The following AUTS2 variants were observed in gnomAD, a reference collection of about 807,000 sequenced individuals.
AUTS2 encodes activator of transcription and developmental regulator AUTS2.
A neutral mutation model predicts 112.4 loss-of-function variants in AUTS2; 17 were observed. That is an observed-to-expected ratio of 0.15 (90% CI 0.10 to 0.23). The LOEUF is 0.23. AUTS2 is among the 10% of genes least tolerant of loss of function. The probability of loss-of-function intolerance (pLI) is 1.00; values close to 1 mark genes in which losing one functional copy is unlikely to be tolerated. For missense variants in AUTS2, 1,510 were observed against 1,701.6 expected (o/e 0.89, Z 1.98); for synonymous variants, 751 against 702.7 (o/e 1.07, Z -1.09).
intron 1 of AUTS2, among the ~76,000 whole-genome samples, chr7:69,892,794 G>A (rs1794583984): frequency 6.6e-6 from 1 of 152,202 alleles, no homozygotes; most frequent in South Asian, 2.1e-4. Flanking sequence ...AGATTGAAGT[G>A]TGGATTAAAA....
intron 5 of AUTS2, among the ~76,000 whole-genome samples, chr7:70,513,015 C>CCTA (rs1037763576): frequency 6.6e-6 from 1 of 152,110 alleles, no homozygotes; most frequent in African/African-American, 2.4e-5. Context: ...ATAAAAGGGG[C>CCTA]CTACTCAGCT....
rs761485978 is a variant in AUTS2, at chr7:69,600,008, C to T, written c.309+46C>T. On this transcript the variant is annotated intron_variant, in intron 1 of 18. Transcript: ENST00000342771. ...CCCGGGTTCCCTTTATGCACGACCCCACTCGGCTGCGCCCGGCTCTCCTGC... is the reference window on the plus strand; with the variant it reads ...CCCGGGTTCCCTTTATGCACGACCCTACTCGGCTGCGCCCGGCTCTCCTGC... The T allele has an allele frequency of 1.9e-6, 3 of 1,597,570 alleles. No homozygotes were observed. In the Admixed American group the frequency reaches 5.1e-5, roughly 27 times the overall value.
chr7:69,876,352 ATATATAT>A (rs1793766241), intron 1 of AUTS2, among the ~76,000 whole-genome samples: 36 of 53,980 alleles, frequency 6.7e-4, no homozygotes, highest in African/African-American at 1.7e-3. Flanking sequence ...AAAAAAAAAT[ATATATAT>A]ATATATATAT....
At chr7:70,245,133 A>AGTGT (rs869059239) in intron 4 of AUTS2, among the ~76,000 whole-genome samples, 1 of 58,760 alleles carries the variant, frequency 1.7e-5, no homozygotes, top group African/African-American at 6.0e-5. Flanking sequence ...AAAAAAAAAA[A>AGTGT]GTGTGTGTGT....
intron 4 of AUTS2, among the ~76,000 whole-genome samples, chr7:70,398,414 C>T (rs918169579): frequency 2.0e-5 from 3 of 152,052 alleles, no homozygotes; most frequent in African/African-American, 7.2e-5. Context: ...TTTCATTTCT[C>T]TTAGCAATAT....
intron 2 of AUTS2, among the ~76,000 whole-genome samples, chr7:69,915,831 A>T (rs1795555506): frequency 6.6e-6 from 1 of 152,036 alleles, no homozygotes; most frequent in South Asian, 2.1e-4. Context: ...GGCTTAAGTG[A>T]TCCTTCCACC....
At chr7:70,288,107 A>G (rs1044262875) in intron 4 of AUTS2, among the ~76,000 whole-genome samples, 2 of 152,152 alleles carry the variant, frequency 1.3e-5, no homozygotes, top group Admixed American at 6.6e-5. Flanking sequence ...AATTTTTGTC[A>G]TCTTTATTTT....
chr7:70,696,368 G>A (rs1435042018), intron 5 of AUTS2, among the ~76,000 whole-genome samples: 1 of 152,094 alleles, frequency 6.6e-6, no homozygotes, highest in Admixed American at 6.5e-5. Context: ...TGTTTTTCTG[G>A]GGAGGCCTTT....
intron 4 of AUTS2, among the ~76,000 whole-genome samples, chr7:70,315,214 G>C (rs1033805362): frequency 6.6e-6 from 1 of 152,040 alleles, no homozygotes; most frequent in Non-Finnish European, 1.5e-5. Context: ...GCCACTCCTT[G>C]TTCCCATCCT....
intron 4 of AUTS2, among the ~76,000 whole-genome samples, chr7:70,259,068 G>C (rs1380918040): frequency 1.3e-5 from 2 of 152,138 alleles, no homozygotes; most frequent in Non-Finnish European, 2.9e-5. Context: ...TTTCAAGCAA[G>C]TGGTGTGGAA....
At chr7:70,151,285 T>C (rs754397900) in intron 4 of AUTS2, among the ~76,000 whole-genome samples, 1 of 152,064 alleles carries the variant, frequency 6.6e-6, no homozygotes, top group Non-Finnish European at 1.5e-5. Context: ...GAAAGAACCA[T>C]CCAGAAGGAT....
intron 4 of AUTS2, among the ~76,000 whole-genome samples, chr7:70,314,496 T>C (rs1789907119): frequency 6.6e-6 from 1 of 152,214 alleles, no homozygotes; most frequent in South Asian, 2.1e-4. Flanking sequence ...GCTAGAGAAA[T>C]CAGCTTTCTA....
At chr7:69,646,748 A>C (rs1332512809) in intron 1 of AUTS2, among the ~76,000 whole-genome samples, 1 of 151,988 alleles carries the variant, frequency 6.6e-6, no homozygotes, top group Admixed American at 6.5e-5. Flanking sequence ...CTTTGTGTAT[A>C]CTTCCTGTTA....
At chr7:69,989,010 C>T (rs943558899) in intron 2 of AUTS2, among the ~76,000 whole-genome samples, 6 of 152,074 alleles carry the variant, frequency 3.9e-5, no homozygotes, top group African/African-American at 1.4e-4. Context: ...AAACTTTGAG[C>T]GTATCATGAT....
chr7:69,916,527 C>G (rs1320386458), intron 2 of AUTS2, among the ~76,000 whole-genome samples: 2 of 152,128 alleles, frequency 1.3e-5, no homozygotes, highest in African/African-American at 4.8e-5. Flanking sequence ...CTGCCTAGAT[C>G]ATTCACAAAC....
At chr7:70,555,885 A>G (rs1398425465) in intron 5 of AUTS2, among the ~76,000 whole-genome samples, 2 of 151,146 alleles carry the variant, frequency 1.3e-5, no homozygotes, top group Admixed American at 1.3e-4. Flanking sequence ...GCTCACTGCA[A>G]CCTCTGCCTC....
At chr7:69,785,073 T>G (rs926936811) in intron 1 of AUTS2, among the ~76,000 whole-genome samples, 1 of 152,060 alleles carries the variant, frequency 6.6e-6, no homozygotes, top group Middle Eastern at 3.2e-3. Context: ...AGGGAGCTAT[T>G]TTAGTAAGTG....
At chr7:70,042,811 C>T (rs921112222) in intron 2 of AUTS2, among the ~76,000 whole-genome samples, 1 of 152,110 alleles carries the variant, frequency 6.6e-6, no homozygotes, top group Non-Finnish European at 1.5e-5. Flanking sequence ...GTGGTTCTTT[C>T]CAGTTGCACA....
intron 5 of AUTS2, among the ~76,000 whole-genome samples, chr7:70,605,292 G>T (rs2129530865): frequency 6.6e-6 from 1 of 152,184 alleles, no homozygotes; most frequent in South Asian, 2.1e-4. Flanking sequence ...TTTGACGTTG[G>T]CTAACCACCT....
Sources: gnomAD v4.1 joint callset for allele counts (sites outside exome capture counted in the v4.1 genomes callset) on GRCh38, gnomAD v4.1.1 for gene constraint, MANE v1.5 for transcripts, NCBI Gene and HGNC (gene_info 2026-07-23, HGNC 2026-07-21) for gene names.